The following MROH1 variants were observed in gnomAD, a reference collection of about 807,000 sequenced individuals.
The protein encoded by MROH1 is maestro heat-like repeat-containing protein family member 1.
MROH1 carries 117 observed loss-of-function variants against 116.5 expected under a neutral mutation model. That is an observed-to-expected ratio of 1.00 (90% CI 0.86 to 1.17). The LOEUF is 1.17. Ranked by LOEUF, MROH1 falls within the 50% of genes most tolerant of loss-of-function variation. The pLI, the probability that MROH1 is intolerant of heterozygous loss-of-function variation, is 0.00. For synonymous variants in MROH1, 921 were observed against 583.9 expected (o/e 1.58, Z -8.32); for missense variants, 1,873 against 1,338.5 (o/e 1.40, Z -6.23).
In MROH1 at chr8:144,220,714, C is replaced by T. The variant is rs1448033753; in HGVS notation, c.1215+41C>T. 6 of 1,517,036 alleles carry T rather than the reference C, an allele frequency of 4.0e-6. No homozygotes were observed. In the Admixed American group the frequency reaches 7.9e-5, roughly 20 times the overall value. 94.0% of individuals were successfully genotyped at this position (1,517,036 alleles called of 1,614,324 possible). On this transcript the variant is annotated intron_variant, in intron 13 of 43. Coordinates refer to ENST00000326134, the MANE Select transcript of MROH1 (RefSeq NM_032450.3). ...CAGCCCAGGCTGCACCACCACACCA[C>T]AGGCAGCTGCAGGGTGTGGCCAGGC...
rs1840521295 is a variant in MROH1, at chr8:144,239,074, C to T, written c.1486C>T (p.Arg496Cys). The T allele has an allele frequency of 6.4e-6, 5 of 777,702 alleles. No individual in the cohort carries two copies. The highest frequency in any genetic ancestry group is 1.7e-5 in the African/African-American group (1 of 59,138). 48.2% of individuals were successfully genotyped at this position (777,702 alleles called of 1,614,324 possible). The change falls in exon 16 of 44, where the codon CGC becomes TGC. Residue 496 changes from arginine to cysteine, a missense_variant. Physicochemically the swap from Arg to Cys is radical, Grantham distance 180. Coordinates refer to ENST00000326134, the MANE Select transcript of MROH1 (RefSeq NM_032450.3). The part of the protein sequence containing the change: ...PYLLQFLTPV[R>C]FTGALTPLCR... Reference sequence around the variant, plus strand: ...CCTGCTCCAGTTCCTCACCCCTGTGCGCTTCACTGGGGCCCTGACTCCGCT... The same window carrying T: ...CCTGCTCCAGTTCCTCACCCCTGTGTGCTTCACTGGGGCCCTGACTCCGCT...
chr8:144,250,635 C>T, intron 33 of MROH1: 3 of 550,176 alleles, frequency 5.5e-6, no homozygotes, highest in East Asian at 6.4e-5. Context: ...CTGTTTCTGC[C>T]TTCCTCTAAG....
At chr8:144,214,964 G>T (rs148034666) in intron 12 of MROH1, among the ~76,000 whole-genome samples, 1,581 of 152,272 alleles carry the variant, frequency 0.01, 22 homozygotes, top group African/African-American at 0.036. Context: ...AAAGATGCAG[G>T]CTGGGAGGCT....
chr8:144,180,769 G>A lies in MROH1; in HGVS notation c.562+246G>A, dbSNP rs1004711781. Among the ~76,000 whole-genome samples the A allele has an allele frequency of 6.6e-6, 1 of 152,160 alleles. No individual in the cohort carries two copies. Among genetic ancestry groups the A allele is most frequent in the African/African-American group, 2.4e-5 (1 of 41,442 alleles). On this transcript the variant is annotated intron_variant, in intron 7 of 43. Transcript: ENST00000326134. This position sits in a 1 kb window ranked among gnomAD's most constrained non-coding sequence, Gnocchi z 7.4. ...CCACCTTACATTGTGGGTCCACTGA[G>A]GGCTGGACGTGCCTGGGGGGTAGGA...
chr8:144,231,264 G>A (rs377675777), intron 14 of MROH1, among the ~76,000 whole-genome samples: 7 of 151,190 alleles, frequency 4.6e-5, no homozygotes, highest in African/African-American at 7.3e-5. Context: ...CACCTTTCCC[G>A]CCTTTCTATT....
At chr8:144,243,353 A>G in intron 24 of MROH1, 141 bp from the exon 25 acceptor site, 1 of 677,496 alleles carries the variant, frequency 1.5e-6, no homozygotes, top group East Asian at 2.7e-5. Context: ...ATGGACTTTG[A>G]TAAGCAAAAG....
rs559885827 is a variant in MROH1, at chr8:144,180,538, C to T, written c.562+15C>T. 12 of 1,605,344 alleles carry T rather than the reference C, an allele frequency of 7.5e-6. No individual in the cohort carries two copies. Among genetic ancestry groups the T allele is most frequent in the Admixed American group, 5.0e-5 (3 of 59,964 alleles). ...CTTCTGCTCCGGTAAGAGGCGGCCT[C>T]GTCACCTTCTGTCTCAAGTGCCCCT... On this transcript the variant is annotated intron_variant, in intron 7 of 43. Transcript: ENST00000326134. The surrounding 1 kb of genome is among the most constrained non-coding windows in gnomAD (Gnocchi z 7.4).
At chr8:144,197,230 A>G (rs980351906) in intron 10 of MROH1, among the ~76,000 whole-genome samples, 3 of 152,070 alleles carry the variant, frequency 2.0e-5, no homozygotes, top group African/African-American at 7.3e-5. Flanking sequence ...GGGCCGTGCC[A>G]TCTGAAGGCT....
At chr8:144,205,480 G>C (rs553965314) in intron 12 of MROH1, among the ~76,000 whole-genome samples, 66 of 147,780 alleles carry the variant, frequency 4.5e-4, no homozygotes, top group South Asian at 8.7e-4. Context: ...ATGCCCAAAG[G>C]ATTTTTATAT....
chr8:144,162,449 G>A (rs1242823797), intron 2 of MROH1, among the ~76,000 whole-genome samples: 1 of 150,850 alleles, frequency 6.6e-6, no homozygotes, highest in African/African-American at 2.4e-5. Flanking sequence ...GGAGTGTAGT[G>A]CAGTGGTGCA....
At chr8:144,195,375 G>A (rs1588074321) in intron 10 of MROH1, among the ~76,000 whole-genome samples, 1 of 149,184 alleles carries the variant, frequency 6.7e-6, no homozygotes, top group African/African-American at 2.4e-5. Flanking sequence ...GATAGTGGGT[G>A]CCTGTAGTCC....
chr8:144,219,677 C>T (rs1240259187), intron 12 of MROH1, among the ~76,000 whole-genome samples: 2 of 152,158 alleles, frequency 1.3e-5, no homozygotes, highest in East Asian at 3.8e-4. Flanking sequence ...ATACCAAACC[C>T]TCAGAGAAGG....
intron 12 of MROH1, chr8:144,213,940 T>G (rs1834727992): frequency 6.6e-6 from 1 of 152,198 alleles, no homozygotes; most frequent in Non-Finnish European, 1.5e-5. Flanking sequence ...GGTTTTTTTT[T>G]GTTTCTTTGT....
intron 1 of MROH1, among the ~76,000 whole-genome samples, chr8:144,149,366 G>A (rs943940400): frequency 2.6e-5 from 4 of 152,238 alleles, no homozygotes; most frequent in Admixed American, 1.3e-4. Flanking sequence ...TGAAACTGAC[G>A]TGCAGGCCGC....
At chr8:144,246,249 C>T (rs1426166381) in intron 29 of MROH1, among the ~76,000 whole-genome samples, 9 of 151,900 alleles carry the variant, frequency 5.9e-5, no homozygotes, top group African/African-American at 1.4e-4. Flanking sequence ...GCTGGGATTA[C>T]AGGCGCCCAC....
chr8:144,198,047 CAAAAAAAA>C (rs11366876), intron 10 of MROH1, among the ~76,000 whole-genome samples: 3 of 116,844 alleles, frequency 2.6e-5, no homozygotes, highest in Non-Finnish European at 3.5e-5. Context: ...AAAACTGTTT[CAAAAAAAA>C]AAAAAAAAAG....
intron 1 of MROH1, among the ~76,000 whole-genome samples, chr8:144,151,023 G>A (rs889986193): frequency 4.5e-4 from 69 of 152,032 alleles, no homozygotes; most frequent in African/African-American, 1.6e-3. Flanking sequence ...CCAGGCAGGC[G>A]GATCACTTGA....
chr8:144,181,278 A>AGTGATGGGGGAGGGGCCCG (rs58600184), intron 7 of MROH1, among the ~76,000 whole-genome samples: 87,115 of 95,708 alleles, frequency 0.91, 40,574 homozygotes, highest in East Asian at 0.97. Context: ...GGGAGGACCC[A>AGTGATGGGGGAGGGGCCCG]GTGATGGGGG....
At chr8:144,216,188 CAA>C (rs1018714783) in intron 12 of MROH1, among the ~76,000 whole-genome samples, 10 of 148,554 alleles carry the variant, frequency 6.7e-5, no homozygotes, top group Non-Finnish European at 1.3e-4. Flanking sequence ...TCAAAAAAAA[CAA>C]AGAGCCTGGC....
Sources: allele counts gnomAD v4.1 joint callset (sites outside exome capture counted in the v4.1 genomes callset), GRCh38; gene constraint gnomAD v4.1.1; non-coding constraint Gnocchi (gnomAD v3.1); transcripts MANE v1.5; gene names NCBI Gene and HGNC (gene_info 2026-07-23, HGNC 2026-07-21).